Variants in TEAD1 observed in about 807,000 individuals in gnomAD.
The protein encoded by TEAD1 is TEA domain transcription factor 1.
TEAD1 carries 9 observed loss-of-function variants against 54.9 expected under a neutral mutation model. That is an observed-to-expected ratio of 0.16 (90% CI 0.10 to 0.29). The LOEUF (loss-of-function observed/expected upper bound fraction) is 0.29. Ranked by LOEUF, TEAD1 falls within the 10% of genes least tolerant of loss-of-function variation. The pLI, the probability that TEAD1 is intolerant of heterozygous loss-of-function variation, is 1.00. For missense variants in TEAD1, 387 were observed against 535.9 expected (o/e 0.72, Z 2.74); for synonymous variants, 200 against 187.8 (o/e 1.07, Z -0.53).
intron 3 of TEAD1, chr11:12,823,540 T>C (rs1001552342): frequency 2.0e-5 from 3 of 152,172 alleles, no homozygotes; most frequent in Non-Finnish European, 4.4e-5. Context: ...TCTTTTTCTT[T>C]CCATCTGGCA....
intron 2 of TEAD1, among the ~76,000 whole-genome samples, chr11:12,742,837 G>A (rs762609645): frequency 6.6e-6 from 1 of 152,110 alleles, no homozygotes; most frequent in African/African-American, 2.4e-5. Flanking sequence ...TTAAACTTTT[G>A]CCATCTATTA....
intron 3 of TEAD1, among the ~76,000 whole-genome samples, chr11:12,853,924 G>A (rs546219049): frequency 6.6e-6 from 1 of 152,264 alleles, no homozygotes; most frequent in African/African-American, 2.4e-5. Context: ...TTCTCTGTAT[G>A]TTCTTTCTCT....
chr11:12,887,092 TG>T (rs149968828), intron 9 of TEAD1, among the ~76,000 whole-genome samples: 103,972 of 129,282 alleles, frequency 0.8, 39,413 homozygotes, highest in Middle Eastern at 0.89. Context: ...TTTTTTTTTT[TG>T]TTTGTTTTTT....
rs1419454431 is a variant in TEAD1, at chr11:12,786,803, G to A, written c.202+22369G>A. ...TATGTAAGTATGTTAGGTGGTGGAA[G>A]TGATAAAGAGGAAAATAAAGCAGGG... On this transcript the variant is annotated intron_variant, in intron 3 of 12. Coordinates refer to ENST00000527636, the MANE Select transcript of TEAD1 (RefSeq NM_021961.6). Among the ~76,000 whole-genome samples the A allele has an allele frequency of 2.0e-5, 3 of 152,198 alleles. No homozygotes were observed. In the East Asian group the frequency reaches 5.8e-4, roughly 29 times the overall value.
At chr11:12,778,529 CTTTTTTTTTT>C (rs775536398) in intron 3 of TEAD1, among the ~76,000 whole-genome samples, 1 of 125,810 alleles carries the variant, frequency 7.9e-6, no homozygotes, top group African/African-American at 3.0e-5. Context: ...TCATCAGACT[CTTTTTTTTTT>C]TTTTTTTTTT....
In TEAD1 at chr11:12,821,961, CT is replaced by C. The variant is rs10700151; in HGVS notation, c.203-40269del. ...TACTCTCTCTCCTTTTTCTCTTTTC[CT>C]TTTTTTTTTTTTTTTTTTTGAGACA... On this transcript the variant is annotated intron_variant, in intron 3 of 12. Coordinates refer to ENST00000527636, the MANE Select transcript of TEAD1 (RefSeq NM_021961.6). Among the ~76,000 whole-genome samples the C allele has an allele frequency of 8.7e-3, 593 of 68,040 alleles. 7 individuals are homozygous for C. The highest frequency in any genetic ancestry group is 0.035 in the South Asian group (57 of 1,640). 44.6% of individuals were successfully genotyped at this position (68,040 alleles called of 152,430 possible). A position where few individuals can be genotyped will look rare whatever the true frequency, so the allele number is the denominator to read the frequency against.
chr11:12,898,716 G>T (rs1429139072), intron 9 of TEAD1, among the ~76,000 whole-genome samples: 1 of 152,138 alleles, frequency 6.6e-6, no homozygotes, highest in Non-Finnish European at 1.5e-5. Flanking sequence ...TTCTTATATG[G>T]CAGGTCCTAT....
intron 2 of TEAD1, among the ~76,000 whole-genome samples, chr11:12,710,617 C>G (rs757466419): frequency 1.3e-5 from 2 of 152,128 alleles, no homozygotes; most frequent in Non-Finnish European, 2.9e-5. Context: ...TAATCAAGAG[C>G]AAGCACTGGC....
chr11:12,745,937 G>C (rs1027812237), intron 2 of TEAD1, among the ~76,000 whole-genome samples: 2 of 152,160 alleles, frequency 1.3e-5, no homozygotes, highest in African/African-American at 4.8e-5. Flanking sequence ...TGGATGGCCT[G>C]GTCTTGAGGC....
At chr11:12,752,770 A>C (rs1160074624) in intron 2 of TEAD1, among the ~76,000 whole-genome samples, 1 of 152,206 alleles carries the variant, frequency 6.6e-6, no homozygotes, top group Non-Finnish European at 1.5e-5. Flanking sequence ...ATTTACATTT[A>C]AATTCACAAA....
intron 2 of TEAD1, among the ~76,000 whole-genome samples, chr11:12,734,142 C>T (rs148281105): frequency 1.1e-3 from 172 of 152,288 alleles, no homozygotes; most frequent in African/African-American, 4.0e-3. Context: ...TCTTGAACTC[C>T]TGGGCTCAAG....
intron 3 of TEAD1, among the ~76,000 whole-genome samples, chr11:12,847,142 C>T (rs747042076): frequency 4.6e-5 from 7 of 152,126 alleles, no homozygotes; most frequent in Admixed American, 1.3e-4. Flanking sequence ...ACAGTCACTG[C>T]GTCCCATGAG....
intron 3 of TEAD1, among the ~76,000 whole-genome samples, chr11:12,775,801 G>A (rs1337820831): frequency 1.3e-5 from 2 of 152,112 alleles, no homozygotes; most frequent in Non-Finnish European, 2.9e-5. Context: ...TTTTTCAATC[G>A]CAAACATATG....
At chr11:12,781,774 A>T (rs949922575) in intron 3 of TEAD1, among the ~76,000 whole-genome samples, 7 of 151,502 alleles carry the variant, frequency 4.6e-5, no homozygotes, top group Admixed American at 4.6e-4. Context: ...TCTTTAAAAG[A>T]CTCACCATAG....
chr11:12,904,790 C>A, intron 10 of TEAD1: 1 of 278,858 alleles, frequency 3.6e-6, no homozygotes, highest in South Asian at 3.6e-5. Context: ...AGCAAAAGGT[C>A]TTTGAGGTCC....
intron 3 of TEAD1, among the ~76,000 whole-genome samples, chr11:12,837,953 C>T (rs1946940830): frequency 6.6e-6 from 1 of 151,950 alleles, no homozygotes; most frequent in African/African-American, 2.4e-5. Context: ...GCCACCACGC[C>T]CGCTAATTTT....
chr11:12,912,182 C>T (rs992393573), intron 10 of TEAD1, among the ~76,000 whole-genome samples: 4 of 152,098 alleles, frequency 2.6e-5, no homozygotes, highest in African/African-American at 9.7e-5. Flanking sequence ...ATTCAACAAA[C>T]ATTTGCCAAT....
At chr11:12,852,374 C>A (rs1269421376) in intron 3 of TEAD1, among the ~76,000 whole-genome samples, 5 of 151,882 alleles carry the variant, frequency 3.3e-5, no homozygotes, top group African/African-American at 1.2e-4. Context: ...CGCCTGAGAG[C>A]CTGTGGGTAG....
At chr11:12,706,045 G>A (rs1943807528) in intron 2 of TEAD1, among the ~76,000 whole-genome samples, 1 of 152,202 alleles carries the variant, frequency 6.6e-6, no homozygotes, top group Non-Finnish European at 1.5e-5. Flanking sequence ...TACAAGGGCT[G>A]TTAGAGTATC....
Sources: allele counts gnomAD v4.1 joint callset (sites outside exome capture counted in the v4.1 genomes callset), GRCh38; gene constraint gnomAD v4.1.1; transcripts MANE v1.5; gene names NCBI Gene and HGNC (gene_info 2026-07-23, HGNC 2026-07-21).